SERGEF: variants seen among roughly 807,000 people sequenced by gnomAD.
SERGEF encodes secretion regulating guanine nucleotide exchange factor.
Under a neutral mutation model 50.0 loss-of-function variants are expected in SERGEF, and 51 were observed. The observed-to-expected ratio is 1.02, with a 90% CI of 0.81 to 1.29. The LOEUF (loss-of-function observed/expected upper bound fraction) is 1.29. SERGEF is among the 50% of genes most tolerant of loss of function. The pLI, the probability that SERGEF is intolerant of heterozygous loss-of-function variation, is 0.00. For synonymous variants in SERGEF, 205 were observed against 212.4 expected, an observed-to-expected ratio of 0.97 and a Z score of 0.30; for missense variants, 521 against 557.0, an observed-to-expected ratio of 0.94 and a Z score of 0.65.
intron 10 of SERGEF, among the ~76,000 whole-genome samples, chr11:17,869,888 A>G (rs1413993619): frequency 6.6e-6 from 1 of 152,172 alleles, no homozygotes; most frequent in East Asian, 1.9e-4. Context: ...AAGGTTGCTA[A>G]TTAGCTGATA....
intron 9 of SERGEF, among the ~76,000 whole-genome samples, chr11:17,894,127 G>A (rs547499267): frequency 6.6e-6 from 1 of 152,156 alleles, no homozygotes; most frequent in African/African-American, 2.4e-5. Context: ...CAGTTCTCTA[G>A]CCTCTTTCCC....
chr11:17,864,021 C>T (rs1457343842), intron 10 of SERGEF, among the ~76,000 whole-genome samples: 1 of 152,186 alleles, frequency 6.6e-6, no homozygotes, highest in African/African-American at 2.4e-5. Flanking sequence ...AGAGTAACTG[C>T]CTAGGATAAC....
chr11:17,988,519 C>A (rs1470049172), intron 8 of SERGEF, 78 bp downstream of exon 8: 2 of 1,438,736 alleles, frequency 1.4e-6, no homozygotes, highest in Middle Eastern at 2.4e-4. Context: ...AAAGGCTTAA[C>A]CCCAAGCACT....
At chr11:17,972,293 G>A (rs1402115643) in intron 8 of SERGEF, among the ~76,000 whole-genome samples, 1 of 152,226 alleles carries the variant, frequency 6.6e-6, no homozygotes, top group Admixed American at 6.5e-5. Flanking sequence ...ATGCTACAGA[G>A]AAATCTTGTG....
intron 8 of SERGEF, among the ~76,000 whole-genome samples, chr11:17,978,167 C>T (rs1197118615): frequency 6.6e-6 from 1 of 152,106 alleles, no homozygotes; most frequent in Non-Finnish European, 1.5e-5. Flanking sequence ...CCTTAAGGGG[C>T]TACAGCAGTA....
chr11:17,791,179 T>C (rs987702923), intron 10 of SERGEF, among the ~76,000 whole-genome samples: 2 of 152,214 alleles, frequency 1.3e-5, no homozygotes, highest in African/African-American at 4.8e-5. Flanking sequence ...ATCAGATCCA[T>C]AGGTTGTTTC....
At chr11:17,816,629 C>T (rs771056395) in intron 10 of SERGEF, among the ~76,000 whole-genome samples, 1 of 152,184 alleles carries the variant, frequency 6.6e-6, no homozygotes, top group Non-Finnish European at 1.5e-5. Flanking sequence ...GAAAGGTAAG[C>T]GTGCAGTCTG....
chr11:17,817,269 C>T (rs1431788164), intron 10 of SERGEF, among the ~76,000 whole-genome samples: 1 of 148,614 alleles, frequency 6.7e-6, no homozygotes, highest in South Asian at 2.1e-4. Context: ...CTGGAGAATG[C>T]AGTGGCGCGA....
At chr11:17,958,460 G>A (rs529070851) in intron 9 of SERGEF, among the ~76,000 whole-genome samples, 9 of 151,884 alleles carry the variant, frequency 5.9e-5, no homozygotes, top group South Asian at 2.1e-4. Context: ...TAACAGAAAC[G>A]CACACCCTGG....
chr11:17,865,497 C>T (rs1422548145), intron 10 of SERGEF, among the ~76,000 whole-genome samples: 1 of 151,962 alleles, frequency 6.6e-6, no homozygotes, highest in East Asian at 1.9e-4. Context: ...TCCATACATG[C>T]CTCTGAAGAC....
At chr11:17,856,221 G>T (rs1332117926) in intron 10 of SERGEF, 8 of 152,550 alleles carry the variant, frequency 5.2e-5, no homozygotes, top group Admixed American at 2.0e-4. Flanking sequence ...CAATATCTCT[G>T]CTGCCCATGG....
At chr11:17,811,706 T>C (rs1188276351) in intron 10 of SERGEF, among the ~76,000 whole-genome samples, 2 of 151,972 alleles carry the variant, frequency 1.3e-5, no homozygotes, top group African/African-American at 2.4e-5. Flanking sequence ...GATCCAGGAG[T>C]GGAGAGACTA....
At chr11:17,792,524 A>C (rs1849500057) in intron 10 of SERGEF, among the ~76,000 whole-genome samples, 1 of 152,210 alleles carries the variant, frequency 6.6e-6, no homozygotes, top group East Asian at 1.9e-4. Context: ...ACTCTGAGGA[A>C]GCTACGCCTG....
At chr11:17,894,937 C>T (rs1419641823) in intron 9 of SERGEF, among the ~76,000 whole-genome samples, 2 of 152,212 alleles carry the variant, frequency 1.3e-5, no homozygotes, top group African/African-American at 4.8e-5. Flanking sequence ...CTGGGTGATG[C>T]CACAGGGCAG....
chr11:17,926,866 C>T, intron 9 of SERGEF: 2 of 456,148 alleles, frequency 4.4e-6, no homozygotes, highest in Non-Finnish European at 8.8e-6. Flanking sequence ...AATGGGCACA[C>T]AACAAATATT....
intron 8 of SERGEF, among the ~76,000 whole-genome samples, chr11:17,975,557 T>C (rs555839638): frequency 1.3e-5 from 2 of 152,250 alleles, no homozygotes; most frequent in South Asian, 2.1e-4. Flanking sequence ...CCCCATCTCA[T>C]AGATTCTCAA....
chr11:17,836,143 G>T (rs1456109061), intron 10 of SERGEF, among the ~76,000 whole-genome samples: 1 of 152,152 alleles, frequency 6.6e-6, no homozygotes. Context: ...TGGATTCTAG[G>T]GATACAGAGC....
chr11:17,938,776 T>A (rs1366617461), intron 9 of SERGEF, among the ~76,000 whole-genome samples: 1 of 152,200 alleles, frequency 6.6e-6, no homozygotes, highest in African/African-American at 2.4e-5. Flanking sequence ...CAAAATTTTA[T>A]ACAGGAAGTG....
At chr11:17,978,250 C>T (rs1009924144) in intron 8 of SERGEF, among the ~76,000 whole-genome samples, 2 of 152,070 alleles carry the variant, frequency 1.3e-5, no homozygotes, top group African/African-American at 4.8e-5. Context: ...ACACTGGCTC[C>T]CTGCCCTAAC....
Sources: gnomAD v4.1 joint callset for allele counts (sites outside exome capture counted in the v4.1 genomes callset) on GRCh38, gnomAD v4.1.1 for gene constraint, MANE v1.5 for transcripts, NCBI Gene and HGNC (gene_info 2026-07-23, HGNC 2026-07-21) for gene names.